MEGF11: variants seen among roughly 807,000 people sequenced by gnomAD.
The protein encoded by MEGF11 is multiple epidermal growth factor-like domains protein 11.
In MEGF11, 126 loss-of-function variants were observed where a neutral mutation model predicts 146.6. The observed-to-expected ratio is 0.86, with a 90% CI of 0.74 to 1.00. The LOEUF is 1.00. Ranked by LOEUF, MEGF11 falls within the 50% of genes least tolerant of loss-of-function variation. The pLI, the probability that MEGF11 is intolerant of heterozygous loss-of-function variation, is 0.00. For missense variants in MEGF11, 1,509 were observed against 1,521.2 expected, an observed-to-expected ratio of 0.99 and a Z score of 0.13; for synonymous variants, 532 against 583.4, an observed-to-expected ratio of 0.91 and a Z score of 1.27.
At chr15:65,956,474 G>C (rs1009211324) in intron 10 of MEGF11, among the ~76,000 whole-genome samples, 6 of 152,228 alleles carry the variant, frequency 3.9e-5, no homozygotes, top group African/African-American at 1.4e-4. Context: ...GGAAACAGAA[G>C]TGAAGAGAGG....
intron 1 of MEGF11, among the ~76,000 whole-genome samples, chr15:66,136,303 A>C (rs2088885341): frequency 6.6e-6 from 1 of 152,070 alleles, no homozygotes; most frequent in South Asian, 2.1e-4. Flanking sequence ...TCTCTGTCCA[A>C]TCTTCGGCAC....
chr15:66,125,840 C>A (rs1485598853), intron 2 of MEGF11, among the ~76,000 whole-genome samples: 2 of 152,196 alleles, frequency 1.3e-5, no homozygotes, highest in African/African-American at 4.8e-5. Context: ...TCCAGCCTCC[C>A]TTTTCAGCCC....
chr15:66,019,105 G>T (rs188148110), intron 5 of MEGF11, among the ~76,000 whole-genome samples: 9 of 152,308 alleles, frequency 5.9e-5, no homozygotes, highest in Non-Finnish European at 1.0e-4. Flanking sequence ...GTGGCAAGGG[G>T]CAGGGAGGCC....
At chr15:65,995,181 G>A (rs866281540) in intron 5 of MEGF11, among the ~76,000 whole-genome samples, 11 of 152,324 alleles carry the variant, frequency 7.2e-5, no homozygotes, top group Middle Eastern at 3.4e-3. Context: ...GAGGGGGCGT[G>A]CAGGGCTGGC....
chr15:66,029,387 C>T (rs946609525), intron 5 of MEGF11, among the ~76,000 whole-genome samples: 1 of 152,214 alleles, frequency 6.6e-6, no homozygotes, highest in African/African-American at 2.4e-5. Flanking sequence ...CCTCTTTACA[C>T]TCACCTTTCC....
At chr15:66,189,987 A>T (rs1240928228) in intron 1 of MEGF11, among the ~76,000 whole-genome samples, 1 of 152,162 alleles carries the variant, frequency 6.6e-6, no homozygotes, top group African/African-American at 2.4e-5. Flanking sequence ...TCTCCAAAAA[A>T]TAAATTGTAT....
chr15:66,058,970 G>A (rs2084789408), intron 5 of MEGF11, among the ~76,000 whole-genome samples: 1 of 152,050 alleles, frequency 6.6e-6, no homozygotes, highest in Admixed American at 6.5e-5. Flanking sequence ...TCCCCATCCA[G>A]GACTCCCAAC....
rs1261216892 is a variant in MEGF11 at position 66,119,968 on chromosome 15, C to A, written c.201-782G>T. Among the ~76,000 whole-genome samples, 3 of 152,192 alleles carry A rather than the reference C, an allele frequency of 2.0e-5. No individual in the cohort carries two copies. In the East Asian group the frequency reaches 5.8e-4, roughly 29 times the overall value. On this transcript the variant is annotated intron_variant, in intron 3 of 25. Transcript: ENST00000395614. ...ATTACTATCCCCCTTTATTTTATTTCTTTCTCTTTTAGAGCTTTTATTCTA... is the reference window on the plus strand; with the variant it reads ...ATTACTATCCCCCTTTATTTTATTTATTTCTCTTTTAGAGCTTTTATTCTA...
intron 5 of MEGF11, among the ~76,000 whole-genome samples, chr15:66,066,361 A>T (rs546940637): frequency 1.4e-4 from 21 of 152,288 alleles, no homozygotes; most frequent in African/African-American, 4.6e-4. Flanking sequence ...CACTGTTGGC[A>T]TGCTGGGATC....
chr15:66,246,160 G>A (rs1022200353), intron 1 of MEGF11, among the ~76,000 whole-genome samples: 4 of 152,200 alleles, frequency 2.6e-5, no homozygotes, highest in East Asian at 3.8e-4. Flanking sequence ...AGAAGGCTGA[G>A]GCACAAGAAT....
chr15:65,904,313 T>A (rs145306434), intron 24 of MEGF11, among the ~76,000 whole-genome samples: 5 of 152,332 alleles, frequency 3.3e-5, no homozygotes, highest in Non-Finnish European at 5.9e-5. Flanking sequence ...ATAGAACTGT[T>A]CTTTGTTTTC....
intron 5 of MEGF11, among the ~76,000 whole-genome samples, chr15:66,053,714 AATTTTTTTTTTTTTTTTT>A (rs1355952269): frequency 3.5e-4 from 15 of 42,286 alleles, no homozygotes; most frequent in South Asian, 1.9e-3. Flanking sequence ...CCCTGGCACC[AATTTTTTTTTTTTTTTTT>A]TTTTTTTTTT....
chr15:66,178,071 C>T (rs1427675922), intron 1 of MEGF11, among the ~76,000 whole-genome samples: 1 of 152,172 alleles, frequency 6.6e-6, no homozygotes, highest in Non-Finnish European at 1.5e-5. Context: ...GCAGCCTCTA[C>T]AGCCCCACCG....
chr15:66,134,440 C>T (rs963725043), intron 1 of MEGF11, among the ~76,000 whole-genome samples: 2 of 142,450 alleles, frequency 1.4e-5, no homozygotes, highest in Admixed American at 6.9e-5. Flanking sequence ...CTGGCCTGAC[C>T]AACCCGGACA....
At chr15:66,076,134 C>T (rs1323094696) in intron 5 of MEGF11, among the ~76,000 whole-genome samples, 2 of 151,914 alleles carry the variant, frequency 1.3e-5, no homozygotes, top group Non-Finnish European at 1.5e-5. Context: ...GATGAATGGA[C>T]AGAGTGATGG....
intron 7 of MEGF11, among the ~76,000 whole-genome samples, chr15:65,976,928 C>T (rs571396400): frequency 2.1e-4 from 32 of 152,188 alleles, no homozygotes; most frequent in African/African-American, 7.7e-4. Flanking sequence ...CCCGTAATCC[C>T]AGTACTTTGG....
intron 10 of MEGF11, among the ~76,000 whole-genome samples, chr15:65,935,322 GAAAAAAAAAAAAAAAAA>G (rs71139449): frequency 6.8e-4 from 24 of 35,204 alleles, no homozygotes; most frequent in South Asian, 2.7e-3. Context: ...TCCGTCTCAA[GAAAAAAAAAAAAAAAAA>G]AAAAAAAAAA....
At chr15:65,950,747 A>G (rs2080375090) in intron 10 of MEGF11, among the ~76,000 whole-genome samples, 1 of 152,238 alleles carries the variant, frequency 6.6e-6, no homozygotes, top group African/African-American at 2.4e-5. Flanking sequence ...AGTCTCTGCA[A>G]ACCACTACAC....
chr15:65,957,713 G>A lies in MEGF11; in HGVS notation c.1121C>T (p.Pro374Leu), dbSNP rs1445266521. Residue 374 changes from proline to leucine, a missense_variant, in exon 10 of 26, where the codon CCA (proline) becomes CTA (leucine). Physicochemically the swap from Pro to Leu is moderately conservative, Grantham distance 98. Coordinates refer to ENST00000395614, the MANE Select transcript of MEGF11 (RefSeq NM_001385028.1). ...CDADNTISCH[P>L]VTGACTCQPG... Reference sequence around the variant, plus strand: ...CTGGCAGGTACAAGCTCCAGTTACTGGGTGGCAGCTGCACAGATGAGAGAA... The same window carrying A: ...CTGGCAGGTACAAGCTCCAGTTACTAGGTGGCAGCTGCACAGATGAGAGAA... The A allele has an allele frequency of 1.9e-6, 3 of 1,613,630 alleles. No homozygotes were observed. Among genetic ancestry groups the A allele is most frequent in the Admixed American group, 3.3e-5 (2 of 60,008 alleles).
Sources: allele counts gnomAD v4.1 joint callset (sites outside exome capture counted in the v4.1 genomes callset), GRCh38; gene constraint gnomAD v4.1.1; transcripts MANE v1.5; gene names NCBI Gene and HGNC (gene_info 2026-07-23, HGNC 2026-07-21).